GULP1: variants seen among roughly 807,000 people sequenced by gnomAD.
GULP1 encodes PTB domain-containing engulfment adapter protein 1.
In GULP1, 19 loss-of-function variants were observed where a neutral mutation model predicts 40.9. That is an observed-to-expected ratio of 0.46 (90% CI 0.32 to 0.68). The LOEUF is 0.68. Among genes scored for constraint, GULP1 ranks in the 30% least tolerant of loss-of-function variants. The probability of loss-of-function intolerance (pLI) is 0.03; values close to 1 mark genes in which losing one functional copy is unlikely to be tolerated. For missense variants in GULP1, 312 were observed against 362.2 expected (o/e 0.86, Z 1.12); for synonymous variants, 119 against 117.6 (o/e 1.01, Z -0.08).
intron 1 of GULP1, among the ~76,000 whole-genome samples, chr2:188,319,136 A>G (rs918696717): frequency 1.2e-4 from 19 of 152,220 alleles, no homozygotes; most frequent in Non-Finnish European, 2.6e-4. Flanking sequence ...TCTATATTAT[A>G]CAAAGCAAGA....
At chr2:188,458,842 C>G (rs1047616731) in intron 2 of GULP1, among the ~76,000 whole-genome samples, 1 of 152,088 alleles carries the variant, frequency 6.6e-6, no homozygotes, top group Non-Finnish European at 1.5e-5. Context: ...ACCCCCATCC[C>G]TACACTCTGC....
intron 2 of GULP1, chr2:188,384,285 C>T (rs13426709): frequency 0.17 from 26,600 of 152,086 alleles, 2,401 homozygotes; most frequent in East Asian, 0.24. Context: ...GTGAAAGGCA[C>T]GTCTCACACA....
At chr2:188,368,947 A>ATATATATATATATATATATGTGTGTG (rs2047213873) in intron 1 of GULP1, among the ~76,000 whole-genome samples, 1 of 77,308 alleles carries the variant, frequency 1.3e-5, no homozygotes, top group Non-Finnish European at 2.1e-5. Flanking sequence ...GTGTATATAT[A>ATATATATATATATATATATGTGTGTG]TATATATATA....
intron 2 of GULP1, among the ~76,000 whole-genome samples, chr2:188,447,294 A>G (rs1024053632): frequency 5.3e-5 from 8 of 152,152 alleles, no homozygotes; most frequent in African/African-American, 1.7e-4. Context: ...TTCTATCAGC[A>G]GTTCTGAAAG....
intron 2 of GULP1, among the ~76,000 whole-genome samples, chr2:188,388,103 T>A (rs2050024210): frequency 6.6e-6 from 1 of 151,110 alleles, no homozygotes; most frequent in Non-Finnish European, 1.5e-5. Context: ...ATTGTTCAAT[T>A]CCCATCTATG....
intron 4 of GULP1, among the ~76,000 whole-genome samples, chr2:188,499,426 A>G (rs1458254457): frequency 1.3e-5 from 2 of 151,510 alleles, no homozygotes; most frequent in Non-Finnish European, 3.0e-5. Context: ...CATCACAAAC[A>G]TGAAAAACTC....
intron 9 of GULP1, among the ~76,000 whole-genome samples, chr2:188,572,980 T>C (rs985515718): frequency 6.6e-6 from 1 of 152,230 alleles, no homozygotes; most frequent in Non-Finnish European, 1.5e-5. Flanking sequence ...ATTATATACT[T>C]GAAAATTGCC....
At chr2:188,523,557 C>CT (rs10707119) in intron 5 of GULP1, among the ~76,000 whole-genome samples, 2 of 150,966 alleles carry the variant, frequency 1.3e-5, no homozygotes, top group African/African-American at 4.9e-5. Flanking sequence ...ATTATCACTA[C>CT]TTTTTTTTTT....
intron 2 of GULP1, among the ~76,000 whole-genome samples, chr2:188,454,291 C>A (rs541208866): frequency 6.6e-6 from 1 of 152,124 alleles, no homozygotes. Flanking sequence ...GTGGTTTCTC[C>A]CCCAGTATGG....
chr2:188,529,360 G>T (rs1352008532), intron 6 of GULP1, among the ~76,000 whole-genome samples, 165 bp downstream of exon 6: 1 of 152,088 alleles, frequency 6.6e-6, no homozygotes. Flanking sequence ...TTTTGGAATT[G>T]CATTATAAGT....
chr2:188,297,865 C>G (rs1451712758), intron 1 of GULP1, among the ~76,000 whole-genome samples: 1 of 151,844 alleles, frequency 6.6e-6, no homozygotes, highest in South Asian at 2.1e-4. Context: ...AGCAAACGTG[C>G]AAATTTGGGA....
At chr2:188,487,540 CAT>C (rs1420970974) in intron 4 of GULP1, among the ~76,000 whole-genome samples, 1 of 151,872 alleles carries the variant, frequency 6.6e-6, no homozygotes, top group Non-Finnish European at 1.5e-5. Context: ...TCATATGAAA[CAT>C]AGAAAGAATT....
intron 2 of GULP1, among the ~76,000 whole-genome samples, chr2:188,436,418 G>A (rs1468408780): frequency 6.6e-6 from 1 of 152,048 alleles, no homozygotes. Flanking sequence ...CGATATCAAA[G>A]TATAGGTCCT....
chr2:188,584,821 A>G (rs1041441692), intron 10 of GULP1, among the ~76,000 whole-genome samples: 23 of 152,090 alleles, frequency 1.5e-4, no homozygotes, highest in Non-Finnish European at 4.4e-5. Flanking sequence ...TAAAAAATAT[A>G]TAAATTATAT....
intron 1 of GULP1, among the ~76,000 whole-genome samples, chr2:188,379,060 TTG>T: frequency 6.6e-6 from 1 of 152,166 alleles, no homozygotes. Flanking sequence ...GGAAAGTGAC[TTG>T]TGTTTTCCAC....
At chr2:188,322,700 T>C (rs1290977721) in intron 1 of GULP1, among the ~76,000 whole-genome samples, 1 of 152,182 alleles carries the variant, frequency 6.6e-6, no homozygotes, top group Non-Finnish European at 1.5e-5. Flanking sequence ...CTTAGCTCTT[T>C]GTGGTAAAGG....
intron 7 of GULP1, among the ~76,000 whole-genome samples, chr2:188,560,209 C>T (rs985633977): frequency 2.0e-5 from 3 of 151,956 alleles, no homozygotes; most frequent in African/African-American, 7.2e-5. Flanking sequence ...CCAGATGAAA[C>T]CTTGAATGCT....
intron 6 of GULP1, among the ~76,000 whole-genome samples, chr2:188,534,914 A>C (rs1688522471): frequency 6.6e-6 from 1 of 151,904 alleles, no homozygotes; most frequent in Non-Finnish European, 1.5e-5. Flanking sequence ...AGTTGACTTC[A>C]TTATCCTATA....
chr2:188,525,346 G>A (rs1462455612), intron 5 of GULP1, among the ~76,000 whole-genome samples: 1 of 151,924 alleles, frequency 6.6e-6, no homozygotes, highest in African/African-American at 2.4e-5. Flanking sequence ...AGCCGCGATC[G>A]CGCCATTGCA....
Sources: gnomAD v4.1 joint callset for allele counts (sites outside exome capture counted in the v4.1 genomes callset) on GRCh38, gnomAD v4.1.1 for gene constraint, MANE v1.5 for transcripts, NCBI Gene and HGNC (gene_info 2026-07-23, HGNC 2026-07-21) for gene names.